ROCK1: variants seen among roughly 807,000 people sequenced by gnomAD.
ROCK1 encodes the protein Rho associated coiled-coil containing protein kinase 1.
ROCK1 carries 36 observed loss-of-function variants against 196.8 expected under a neutral mutation model. The ratio of observed to expected loss-of-function variants is 0.18; its 90% CI spans 0.14 to 0.24. The LOEUF is 0.24. Among genes scored for constraint, ROCK1 ranks in the 10% least tolerant of loss-of-function variants. The pLI is 1.00. For synonymous variants in ROCK1, 443 were observed against 515.9 expected (o/e 0.86, Z 1.91); for missense variants, 920 against 1,562.0 (o/e 0.59, Z 6.93).
intron 2 of ROCK1, among the ~76,000 whole-genome samples, chr18:21,057,892 A>G (rs1253802586): frequency 1.3e-5 from 2 of 152,220 alleles, no homozygotes; most frequent in African/African-American, 4.8e-5. Flanking sequence ...ACTTCTAGGA[A>G]TTTATCCTAA....
intron 1 of ROCK1, among the ~76,000 whole-genome samples, chr18:21,092,511 G>A (rs2036578965): frequency 6.7e-6 from 1 of 149,534 alleles, no homozygotes; most frequent in African/African-American, 2.5e-5. Context: ...TTCAGCCTGG[G>A]AGGTCAAGGC....
At chr18:21,080,992 C>T (rs1030776886) in intron 1 of ROCK1, among the ~76,000 whole-genome samples, 18 of 151,982 alleles carry the variant, frequency 1.2e-4, no homozygotes, top group Admixed American at 3.9e-4. Context: ...AGGACATGAA[C>T]GACACTATAA....
At chr18:20,996,196 T>G (rs181925255) in intron 16 of ROCK1, among the ~76,000 whole-genome samples, 44 of 152,144 alleles carry the variant, frequency 2.9e-4, no homozygotes, top group Non-Finnish European at 4.9e-4. Context: ...CAGAATCCCA[T>G]CAGATAAATT....
At chr18:20,986,518 G>A (rs1458623466) in intron 19 of ROCK1, among the ~76,000 whole-genome samples, 1 of 152,112 alleles carries the variant, frequency 6.6e-6, no homozygotes, top group Non-Finnish European at 1.5e-5. Flanking sequence ...CATTTTATCT[G>A]TTTATTAACT....
intron 18 of ROCK1, among the ~76,000 whole-genome samples, chr18:20,989,939 G>A (rs1170677334): frequency 6.6e-6 from 1 of 152,036 alleles, no homozygotes; most frequent in East Asian, 1.9e-4. Flanking sequence ...ACTTATGACC[G>A]ATATGTTCAA....
chr18:20,958,156 AGT>A (rs1296398205), intron 29 of ROCK1, among the ~76,000 whole-genome samples: 1 of 152,242 alleles, frequency 6.6e-6, no homozygotes, highest in African/African-American at 2.4e-5. Flanking sequence ...CTTTCATACT[AGT>A]GTTTATGTAT....
chr18:20,955,427 A>C, intron 29 of ROCK1, 182 bp from the exon 30 acceptor site: 1 of 797,090 alleles, frequency 1.3e-6, no homozygotes, highest in Non-Finnish European at 1.9e-6. Flanking sequence ...AGTTAAAAAA[A>C]ATAAAAACAG....
At chr18:21,019,352 G>A (rs1357840938) in intron 12 of ROCK1, among the ~76,000 whole-genome samples, 2 of 152,106 alleles carry the variant, frequency 1.3e-5, no homozygotes, top group Non-Finnish European at 2.9e-5. Context: ...ATGCGGTTTC[G>A]CCATGTTGGC....
chr18:21,012,076 T>C (rs2035823841), intron 13 of ROCK1, among the ~76,000 whole-genome samples: 2 of 152,068 alleles, frequency 1.3e-5, no homozygotes, highest in African/African-American at 4.8e-5. Flanking sequence ...GCCTCCTGAG[T>C]AGCTAGGATT....
intron 16 of ROCK1, among the ~76,000 whole-genome samples, chr18:21,005,637 G>A (rs2035761910): frequency 6.6e-6 from 1 of 152,224 alleles, no homozygotes; most frequent in African/African-American, 2.4e-5. Context: ...AGCACTTTGG[G>A]AGGTCGAGGT....
At chr18:21,000,681 C>G (rs2035716261) in intron 16 of ROCK1, among the ~76,000 whole-genome samples, 1 of 152,020 alleles carries the variant, frequency 6.6e-6, no homozygotes, top group African/African-American at 2.4e-5. Flanking sequence ...TCATTAGGGA[C>G]AATGAAAATC....
chr18:21,055,996 T>C (rs918297427), intron 2 of ROCK1, among the ~76,000 whole-genome samples: 1 of 152,204 alleles, frequency 6.6e-6, no homozygotes, highest in Non-Finnish European at 1.5e-5. Context: ...TGATACACTT[T>C]CTTTACTTGA....
chr18:20,959,107 ATATATAT>A (rs1253452866), intron 29 of ROCK1, among the ~76,000 whole-genome samples: 10 of 50,588 alleles, frequency 2.0e-4, no homozygotes, highest in Admixed American at 3.9e-4. Context: ...TATATATTAT[ATATATAT>A]TATATAATAT....
At chr18:20,979,785 A>C (rs997008875) in intron 22 of ROCK1, 125 bp downstream of exon 22, 1 of 1,173,888 alleles carries the variant, frequency 8.5e-7, no homozygotes, top group African/African-American at 1.6e-5. Context: ...ATTTGTTCTG[A>C]ATTAGCCCAA....
chr18:21,004,145 CATCAG>C (rs2035749392), intron 16 of ROCK1, among the ~76,000 whole-genome samples: 1 of 152,124 alleles, frequency 6.6e-6, no homozygotes, highest in African/African-American at 2.4e-5. Flanking sequence ...TACTGGCAAA[CATCAG>C]GGCTGCAGCC....
At chr18:21,021,531 T>C (rs1442431235) in intron 11 of ROCK1, among the ~76,000 whole-genome samples, 2 of 152,228 alleles carry the variant, frequency 1.3e-5, no homozygotes, top group Non-Finnish European at 2.9e-5. Flanking sequence ...GCAGTCAGTG[T>C]CAAATACAGC....
intron 21 of ROCK1, 75 bp downstream of exon 21, chr18:20,982,688 C>A: frequency 1.4e-6 from 1 of 717,324 alleles, no homozygotes; most frequent in Admixed American, 2.3e-5. Flanking sequence ...TTACAGTTCA[C>A]ATAAAAGAAT....
At chr18:20,998,885 A>C (rs2035696502) in intron 16 of ROCK1, among the ~76,000 whole-genome samples, 1 of 152,148 alleles carries the variant, frequency 6.6e-6, no homozygotes, top group Admixed American at 6.6e-5. Context: ...CTGGGATTAC[A>C]ATCGTGAGCC....
At chr18:21,106,203 C>T (rs532789471) in intron 1 of ROCK1, among the ~76,000 whole-genome samples, 56 of 152,350 alleles carry the variant, frequency 3.7e-4, no homozygotes, top group Non-Finnish European at 8.8e-5. Flanking sequence ...TAACAGGCAT[C>T]ATGAAGCGAT....
Sources: allele counts gnomAD v4.1 joint callset (sites outside exome capture counted in the v4.1 genomes callset), GRCh38; gene constraint gnomAD v4.1.1; transcripts MANE v1.5; gene names NCBI Gene and HGNC (gene_info 2026-07-23, HGNC 2026-07-21).